MTMR7: variants seen among roughly 807,000 people sequenced by gnomAD.
MTMR7 encodes myotubularin related protein 7.
In MTMR7, 76 loss-of-function variants were observed where a neutral mutation model predicts 81.2. The ratio of observed to expected loss-of-function variants is 0.94; its 90% CI spans 0.78 to 1.13. The LOEUF (loss-of-function observed/expected upper bound fraction) is 1.13, where lower values mean the gene tolerates loss of function less well. Among genes scored for constraint, MTMR7 ranks in the 50% most tolerant of loss-of-function variants. MTMR7 has a pLI of 0.00. For synonymous variants in MTMR7, 372 were observed against 289.8 expected (o/e 1.28, Z -2.88); for missense variants, 1,044 against 820.0 (o/e 1.27, Z -3.34).
intron 1 of MTMR7, among the ~76,000 whole-genome samples, chr8:17,379,409 T>G (rs1268754325): frequency 6.6e-6 from 1 of 152,118 alleles, no homozygotes; most frequent in Non-Finnish European, 1.5e-5. Flanking sequence ...GTCAAGACAT[T>G]TGAAGGAAAG....
intron 7 of MTMR7, among the ~76,000 whole-genome samples, chr8:17,319,661 G>T (rs1818280076): frequency 6.6e-6 from 1 of 152,180 alleles, no homozygotes; most frequent in African/African-American, 2.4e-5. Context: ...TCTGAGGAAG[G>T]CACTTATTAT....
intron 3 of MTMR7, among the ~76,000 whole-genome samples, chr8:17,362,398 A>C (rs1820087017): frequency 6.6e-6 from 1 of 152,250 alleles, no homozygotes; most frequent in Admixed American, 6.5e-5. Flanking sequence ...ATGATAATAA[A>C]GGATAACTGA....
chr8:17,407,018 G>A (rs539585909), intron 1 of MTMR7, among the ~76,000 whole-genome samples: 111 of 152,168 alleles, frequency 7.3e-4, no homozygotes, highest in Middle Eastern at 3.4e-3. Flanking sequence ...TAATGAAAAT[G>A]TTCTGAAATT....
At chr8:17,375,481 T>G (rs1820556896) in intron 1 of MTMR7, among the ~76,000 whole-genome samples, 1 of 72,594 alleles carries the variant, frequency 1.4e-5, no homozygotes, top group African/African-American at 5.1e-5. Flanking sequence ...CTAGCTTATG[T>G]TTTTTTTTTT....
At chr8:17,321,141 T>A (rs543911033) in intron 7 of MTMR7, among the ~76,000 whole-genome samples, 1 of 152,298 alleles carries the variant, frequency 6.6e-6, no homozygotes, top group Non-Finnish European at 1.5e-5. Flanking sequence ...GAACAAAAGA[T>A]CCTTTTCACC....
At chr8:17,326,685 T>C (rs1351142636) in intron 7 of MTMR7, among the ~76,000 whole-genome samples, 3 of 152,186 alleles carry the variant, frequency 2.0e-5, no homozygotes, top group South Asian at 2.1e-4. Flanking sequence ...AGCCAACATG[T>C]GGGGCCCTCA....
chr8:17,310,440 T>G (rs570479734), intron 9 of MTMR7, among the ~76,000 whole-genome samples: 1 of 152,268 alleles, frequency 6.6e-6, no homozygotes, highest in South Asian at 2.1e-4. Flanking sequence ...GACATTTTCT[T>G]TGGGTTGTAA....
intron 9 of MTMR7, 93 bp downstream of exon 9, chr8:17,311,418 G>A (rs1037200674): frequency 1.3e-6 from 2 of 1,528,722 alleles, no homozygotes; most frequent in Non-Finnish European, 1.8e-6. Context: ...AATAATGCTG[G>A]CAAGAAAACA....
At chr8:17,333,540 CTT>C (rs1290870030) in intron 6 of MTMR7, among the ~76,000 whole-genome samples, 4 of 152,108 alleles carry the variant, frequency 2.6e-5, no homozygotes, top group African/African-American at 9.7e-5. Context: ...CAGAGATACT[CTT>C]TTAAAAAGCA....
Position 17,299,763 on chromosome 8 carries a change from A to G in MTMR7, c.*99T>C, listed in dbSNP as rs1200355031. On this transcript the variant is annotated 3_prime_UTR_variant, in exon 14 of 14. Transcript: ENST00000180173. Reference sequence around the variant, plus strand: ...AGCTGCATTAAAGTAGTTCTCAATGACATGCACCATTTCCTGTTTTTACAA... The same window carrying G: ...AGCTGCATTAAAGTAGTTCTCAATGGCATGCACCATTTCCTGTTTTTACAA... 3.2e-5 allele frequency: 48 copies of G among 1,503,900 alleles called. 1 individual carries two copies. Among genetic ancestry groups the G allele is most frequent in the Non-Finnish European group, 5.4e-6 (6 of 1,111,640 alleles). The allele number at this position is 1,503,900 out of a possible 1,614,324, so 93.2% of individuals were successfully genotyped here. A position where few individuals can be genotyped will look rare whatever the true frequency, so the allele number is the denominator to read the frequency against.
intron 3 of MTMR7, among the ~76,000 whole-genome samples, chr8:17,363,911 A>C (rs1394113787): frequency 2.7e-5 from 4 of 150,084 alleles, no homozygotes; most frequent in Non-Finnish European, 5.9e-5. Flanking sequence ...AGCTTAAAAA[A>C]AAAAAACCTA....
At chr8:17,380,372 G>C (rs2150571732) in intron 1 of MTMR7, among the ~76,000 whole-genome samples, 1 of 152,186 alleles carries the variant, frequency 6.6e-6, no homozygotes, top group East Asian at 1.9e-4. Context: ...CTGAATTATA[G>C]GTTCTTGCAT....
chr8:17,322,970 G>C (rs1161151788), intron 7 of MTMR7, among the ~76,000 whole-genome samples: 1 of 73,606 alleles, frequency 1.4e-5, no homozygotes, highest in Admixed American at 1.6e-4. Context: ...TTTTTTTTGA[G>C]ACAGTCTTGC....
intron 11 of MTMR7, among the ~76,000 whole-genome samples, chr8:17,305,369 A>C (rs1310799588): frequency 6.6e-6 from 1 of 152,196 alleles, no homozygotes; most frequent in Non-Finnish European, 1.5e-5. Flanking sequence ...AATCTGAATA[A>C]ATTCTGGCTT....
intron 1 of MTMR7, among the ~76,000 whole-genome samples, chr8:17,403,288 T>A (rs967043643): frequency 6.6e-6 from 1 of 152,194 alleles, no homozygotes; most frequent in African/African-American, 2.4e-5. Context: ...TTCATTCTTC[T>A]GCATATGGAT....
intron 7 of MTMR7, among the ~76,000 whole-genome samples, chr8:17,323,559 A>G (rs1818517105): frequency 6.6e-6 from 1 of 152,046 alleles, no homozygotes; most frequent in South Asian, 2.1e-4. Flanking sequence ...TAGGCACTAG[A>G]GAGGAGGCCA....
chr8:17,346,340 C>T (rs1026285854), intron 5 of MTMR7, among the ~76,000 whole-genome samples: 3 of 152,174 alleles, frequency 2.0e-5, no homozygotes, highest in African/African-American at 7.2e-5. Flanking sequence ...TCACGCAGCG[C>T]TGCTTCGAGA....
At chr8:17,335,090 G>C (rs142577431) in intron 6 of MTMR7, among the ~76,000 whole-genome samples, 134 of 152,322 alleles carry the variant, frequency 8.8e-4, no homozygotes, top group African/African-American at 3.0e-3. Context: ...TTTTGAGCAA[G>C]TCTAACTGAA....
In MTMR7 at chr8:17,399,017, A is replaced by G. The variant is rs145672102; in HGVS notation, c.24+14252T>C. ...AGACATATACAACAGACTCACAGCT[A>G]GTATCATACTGAATGGGGAAAAACT... On this transcript the variant is annotated intron_variant, in intron 1 of 13. Transcript: ENST00000180173. Among the ~76,000 whole-genome samples the G allele has an allele frequency of 6.9e-3, 1,045 of 152,282 alleles. 17 individuals carry two copies. Among genetic ancestry groups the G allele is most frequent in the African/African-American group, 0.024 (979 of 41,552 alleles).
Sources: gnomAD v4.1 joint callset for allele counts (sites outside exome capture counted in the v4.1 genomes callset) on GRCh38, gnomAD v4.1.1 for gene constraint, MANE v1.5 for transcripts, NCBI Gene and HGNC (gene_info 2026-07-23, HGNC 2026-07-21) for gene names.